DOCK10: variants seen among roughly 807,000 people sequenced by gnomAD.
DOCK10 encodes the protein dedicator of cytokinesis 10, also known as dedicator of cytokinesis protein 10.
DOCK10 carries 145 observed loss-of-function variants against 280.1 expected under a neutral mutation model. The ratio of observed to expected loss-of-function variants is 0.52; its 90% CI spans 0.45 to 0.59. The LOEUF is 0.59. DOCK10 is among the 20% of genes least tolerant of loss of function. The pLI is 0.00. For synonymous variants in DOCK10, 915 were observed against 942.2 expected, an observed-to-expected ratio of 0.97 and a Z score of 0.53; for missense variants, 2,368 against 2,651.7, an observed-to-expected ratio of 0.89 and a Z score of 2.35.
intron 1 of DOCK10, among the ~76,000 whole-genome samples, chr2:225,026,751 A>AG (rs1015080239): frequency 1.3e-5 from 2 of 152,048 alleles, no homozygotes; most frequent in Non-Finnish European, 2.9e-5. Flanking sequence ...GAAATCACCT[A>AG]GGGGGGGTTT....
chr2:225,037,833 C>A (rs1324375272), intron 1 of DOCK10, among the ~76,000 whole-genome samples: 1 of 152,204 alleles, frequency 6.6e-6, no homozygotes, highest in Non-Finnish European at 1.5e-5. Flanking sequence ...TTTGATCCTT[C>A]TAGAAGTTTT....
chr2:224,895,826 T>TGC (rs1699947877), intron 4 of DOCK10, among the ~76,000 whole-genome samples: 1 of 94,982 alleles, frequency 1.1e-5, no homozygotes, highest in Admixed American at 1.1e-4. Flanking sequence ...TGTGTGTGTG[T>TGC]GTGTGCGTGT....
At chr2:224,902,237 C>T (rs1422430556) in intron 3 of DOCK10, among the ~76,000 whole-genome samples, 1 of 152,160 alleles carries the variant, frequency 6.6e-6, no homozygotes, top group East Asian at 1.9e-4. Context: ...TTATTGAATT[C>T]TGGCTACATA....
In DOCK10 at chr2:224,770,925, A is replaced by G. The variant is rs1690398418; in HGVS notation, c.6205-280T>C. On this transcript the variant is annotated intron_variant, in intron 53 of 55. Transcript: ENST00000258390. The surrounding 1 kb of genome is among the most constrained non-coding windows in gnomAD (Gnocchi z 4.5). ...GTCATATCTGTACGTTGCTTGAACT[A>G]CTATTTTTTTCTTTCTTTTTTTCTT... 6.6e-6 allele frequency among the ~76,000 whole-genome samples: 1 copy of G among 151,060 alleles called. No individual in the cohort carries two copies. The highest frequency in any genetic ancestry group is 1.5e-5 in the Non-Finnish European group (1 of 67,800).
At chr2:224,991,993 A>G (rs1706139102) in intron 1 of DOCK10, among the ~76,000 whole-genome samples, 1 of 152,166 alleles carries the variant, frequency 6.6e-6, no homozygotes, top group Non-Finnish European at 1.5e-5. Context: ...ACGCTAATGC[A>G]TCAAGAAAAA....
At chr2:224,885,896 C>T in intron 6 of DOCK10, 91 bp from the exon 7 acceptor site, 1 of 1,520,268 alleles carries the variant, frequency 6.6e-7, no homozygotes, top group East Asian at 2.3e-5. Context: ...TTCAGGAGTG[C>T]TATATTTCTA....
intron 3 of DOCK10, among the ~76,000 whole-genome samples, chr2:224,914,487 C>A (rs763943669): frequency 1.3e-5 from 2 of 152,116 alleles, no homozygotes; most frequent in Non-Finnish European, 2.9e-5. Flanking sequence ...AAGTAGGGAT[C>A]CACAGGACAA....
intron 1 of DOCK10, among the ~76,000 whole-genome samples, chr2:225,025,712 T>C (rs1285491158): frequency 7.1e-6 from 1 of 141,798 alleles, no homozygotes; most frequent in Non-Finnish European, 1.5e-5. Flanking sequence ...CTAGGTAATA[T>C]TCAAAGCCCT....
At chr2:225,024,588 T>C (rs1039389831) in intron 1 of DOCK10, among the ~76,000 whole-genome samples, 5 of 152,152 alleles carry the variant, frequency 3.3e-5, no homozygotes, top group African/African-American at 1.2e-4. Flanking sequence ...CAGGCAAACA[T>C]TGAGCACATT....
intron 1 of DOCK10, chr2:225,010,429 C>T (rs1157418023): frequency 6.5e-6 from 1 of 152,766 alleles, no homozygotes; most frequent in East Asian, 2.0e-4. Flanking sequence ...GTCCCCTAGA[C>T]AACCTAGAGG....
At chr2:224,788,974 G>A in intron 48 of DOCK10, 90 bp downstream of exon 48, 4 of 762,552 alleles carry the variant, frequency 5.2e-6, no homozygotes, top group Non-Finnish European at 8.7e-6. Context: ...TAAAATAGCT[G>A]TAAGCTTGTT....
At chr2:224,799,555 C>T (rs888679408) in intron 41 of DOCK10, among the ~76,000 whole-genome samples, 22 of 152,320 alleles carry the variant, frequency 1.4e-4, no homozygotes, top group South Asian at 4.1e-4. Context: ...TGGCTGGTCA[C>T]AGGACAGATG....
intron 3 of DOCK10, among the ~76,000 whole-genome samples, chr2:224,900,525 T>A (rs1361355379): frequency 6.6e-6 from 1 of 152,240 alleles, no homozygotes; most frequent in Non-Finnish European, 1.5e-5. Context: ...TGTTTGATGG[T>A]TGCAAACCTT....
At chr2:224,870,868 C>G (rs1698235383) in intron 11 of DOCK10, among the ~76,000 whole-genome samples, 1 of 136,960 alleles carries the variant, frequency 7.3e-6, no homozygotes, top group South Asian at 2.3e-4. Flanking sequence ...ACTGTGTCAC[C>G]CAGGCTGGAG....
intron 4 of DOCK10, among the ~76,000 whole-genome samples, chr2:224,888,638 T>C (rs139670274): frequency 7.2e-5 from 11 of 152,116 alleles, no homozygotes; most frequent in Non-Finnish European, 1.0e-4. Context: ...TGTGTGTATA[T>C]ATTTATGTGA....
At chr2:224,787,628 C>T (rs953473375) in intron 48 of DOCK10, among the ~76,000 whole-genome samples, 13 of 152,176 alleles carry the variant, frequency 8.5e-5, no homozygotes, top group Non-Finnish European at 1.8e-4. Flanking sequence ...TCAGATCTGT[C>T]TCCTTCTTCC....
chr2:224,909,146 C>A (rs1293453693), intron 3 of DOCK10, among the ~76,000 whole-genome samples: 1 of 152,124 alleles, frequency 6.6e-6, no homozygotes, highest in Non-Finnish European at 1.5e-5. Context: ...TTTATATGAT[C>A]CCTTTGTGTA....
intron 8 of DOCK10, 108 bp downstream of exon 8, chr2:224,875,930 G>T: frequency 1.8e-6 from 2 of 1,113,236 alleles, no homozygotes; most frequent in Non-Finnish European, 2.6e-6. Context: ...ACAGCCCCAG[G>T]ATGGATGAGC....
At chr2:224,785,974 A>T (rs1344270199) in intron 50 of DOCK10, among the ~76,000 whole-genome samples, 1 of 152,100 alleles carries the variant, frequency 6.6e-6, no homozygotes, top group Non-Finnish European at 1.5e-5. Flanking sequence ...AGGTGGGTGG[A>T]TCATGAGGTC....
Sources: gnomAD v4.1 joint callset for allele counts (sites outside exome capture counted in the v4.1 genomes callset) on GRCh38, gnomAD v4.1.1 for gene constraint, Gnocchi (gnomAD v3.1) non-coding constraint, MANE v1.5 for transcripts, NCBI Gene and HGNC (gene_info 2026-07-23, HGNC 2026-07-21) for gene names.